ADGB: variants seen among roughly 807,000 people sequenced by gnomAD.
The protein encoded by ADGB is calpain-7-like protein.
ADGB carries 172 observed loss-of-function variants against 210.5 expected under a neutral mutation model. The observed-to-expected ratio is 0.82, with a 90% CI of 0.72 to 0.93. The LOEUF is 0.93. ADGB is among the 40% of genes least tolerant of loss of function. ADGB has a pLI of 0.00. For missense variants in ADGB, 2,025 were observed against 1,964.8 expected (o/e 1.03, Z -0.58); for synonymous variants, 658 against 662.7 (o/e 0.99, Z 0.11).
chr6:146,728,322 G>A (rs554978975), intron 19 of ADGB, among the ~76,000 whole-genome samples: 3 of 152,116 alleles, frequency 2.0e-5, no homozygotes, highest in South Asian at 2.1e-4. Context: ...TTATTAATAC[G>A]GTGGGGGAAA....
intron 13 of ADGB, among the ~76,000 whole-genome samples, chr6:146,706,116 G>A (rs1208347832): frequency 2.0e-5 from 3 of 151,936 alleles, no homozygotes; most frequent in Admixed American, 1.3e-4. Context: ...ATTACAAATG[G>A]GGTCTTGCTA....
chr6:146,792,963 T>C (rs1204049288), intron 33 of ADGB, among the ~76,000 whole-genome samples: 1 of 152,178 alleles, frequency 6.6e-6, no homozygotes, highest in African/African-American at 2.4e-5. Context: ...AAAGATGGCA[T>C]GGACCCAAGG....
chr6:146,779,670 C>A (rs1777771474), intron 29 of ADGB, among the ~76,000 whole-genome samples: 1 of 151,690 alleles, frequency 6.6e-6, no homozygotes, highest in African/African-American at 2.4e-5. Context: ...ATTCAAATAA[C>A]TGCAAAGAAA....
intron 1 of ADGB, among the ~76,000 whole-genome samples, chr6:146,621,377 G>A (rs1780891701): frequency 6.6e-6 from 1 of 152,030 alleles, no homozygotes; most frequent in African/African-American, 2.4e-5. Flanking sequence ...GTTCATCACA[G>A]GTAGTTCAGC....
chr6:146,699,133 TATAGA>T (rs1776451956), intron 12 of ADGB, among the ~76,000 whole-genome samples: 1 of 152,088 alleles, frequency 6.6e-6, no homozygotes, highest in South Asian at 2.1e-4. Flanking sequence ...TCGACATAGA[TATAGA>T]TAAAGATACA....
intron 1 of ADGB, among the ~76,000 whole-genome samples, chr6:146,605,056 A>G (rs1780612625): frequency 6.6e-6 from 1 of 152,188 alleles, no homozygotes; most frequent in East Asian, 1.9e-4. Flanking sequence ...TAAAGCATCT[A>G]AGATGAGTAT....
chr6:146,638,463 A>G (rs924073927), intron 2 of ADGB, among the ~76,000 whole-genome samples: 2 of 151,814 alleles, frequency 1.3e-5, no homozygotes, highest in African/African-American at 4.8e-5. Context: ...AGGGACATGG[A>G]TGAAGCTGGA....
At chr6:146,812,266 C>A (rs1324326073) in intron 35 of ADGB, among the ~76,000 whole-genome samples, 14 of 152,318 alleles carry the variant, frequency 9.2e-5, no homozygotes, top group Non-Finnish European at 1.8e-4. Flanking sequence ...GGAACTCTCC[C>A]AGCTTTATGG....
chr6:146,800,209 T>C (rs948435288), intron 33 of ADGB, among the ~76,000 whole-genome samples: 1 of 152,202 alleles, frequency 6.6e-6, no homozygotes, highest in African/African-American at 2.4e-5. Context: ...AAGTTAAAAA[T>C]AATGATCAAA....
chr6:146,721,362 G>T, intron 16 of ADGB, 41 bp from the exon 17 acceptor site: 1 of 1,221,414 alleles, frequency 8.2e-7, no homozygotes, highest in Non-Finnish European at 1.2e-6. Context: ...TAGCATTGAT[G>T]AACTGATATT....
intron 1 of ADGB, among the ~76,000 whole-genome samples, chr6:146,612,498 T>C (rs1285750150): frequency 1.3e-5 from 2 of 152,200 alleles, no homozygotes; most frequent in Non-Finnish European, 2.9e-5. Flanking sequence ...CTCTCTTTTG[T>C]GCATCACATT....
chr6:146,797,992 A>G (rs1276923879), intron 33 of ADGB, among the ~76,000 whole-genome samples: 1 of 151,964 alleles, frequency 6.6e-6, no homozygotes. Flanking sequence ...TTGGATAGAA[A>G]GTAATAAAGT....
chr6:146,717,435 T>G (rs1383466112), intron 15 of ADGB, 101 bp from the exon 16 acceptor site: 1 of 665,510 alleles, frequency 1.5e-6, no homozygotes, highest in Non-Finnish European at 2.5e-6. Flanking sequence ...TTGTTATTTT[T>G]TAACTTTCTT....
intron 2 of ADGB, among the ~76,000 whole-genome samples, chr6:146,636,585 G>GGA (rs532527227): frequency 6.6e-6 from 1 of 151,520 alleles, no homozygotes; most frequent in South Asian, 2.1e-4. Flanking sequence ...CAAAACTTAT[G>GGA]GAGAGAGAGA....
chr6:146,734,787 G>A (rs1022763460), intron 22 of ADGB, among the ~76,000 whole-genome samples: 2 of 152,104 alleles, frequency 1.3e-5, no homozygotes, highest in African/African-American at 4.8e-5. Flanking sequence ...GCATGTGCCT[G>A]TAGTCCCAGC....
chr6:146,713,450 G>A (rs528878527), intron 13 of ADGB, among the ~76,000 whole-genome samples: 76 of 152,218 alleles, frequency 5.0e-4, no homozygotes, highest in African/African-American at 1.8e-3. Flanking sequence ...GGCATGAAAT[G>A]GTGTCTCATT....
chr6:146,686,345 A>G (rs1160319082), intron 10 of ADGB, among the ~76,000 whole-genome samples: 1 of 152,112 alleles, frequency 6.6e-6, no homozygotes, highest in African/African-American at 2.4e-5. Flanking sequence ...AATTTAGAAA[A>G]TGTAGTGAAA....
intron 12 of ADGB, among the ~76,000 whole-genome samples, chr6:146,699,242 A>G (rs934612776): frequency 6.6e-6 from 1 of 152,128 alleles, no homozygotes; most frequent in African/African-American, 2.4e-5. Context: ...CAAGCTGGGG[A>G]ACCAGGGAGG....
chr6:146,815,334 G>A lies in ADGB; in HGVS notation c.*117G>A. The A allele has an allele frequency of 1.2e-6, 1 of 818,794 alleles. No homozygotes were observed. Among genetic ancestry groups the A allele is most frequent in the Non-Finnish European group, 1.7e-6 (1 of 581,072 alleles). 50.7% of individuals were successfully genotyped at this position (818,794 alleles called of 1,614,324 possible). On this transcript the variant is annotated 3_prime_UTR_variant, in exon 36 of 36. Coordinates refer to ENST00000397944, the MANE Select transcript of ADGB (RefSeq NM_024694.4). ...TGAAAATAGAAATTTCTCTTTCTTA[G>A]AAATATTTTAATGCTAACTTGTTAG... is the stretch of plus-strand genomic sequence containing the variant.
Sources: gnomAD v4.1 joint callset for allele counts (sites outside exome capture counted in the v4.1 genomes callset) on GRCh38, gnomAD v4.1.1 for gene constraint, MANE v1.5 for transcripts, NCBI Gene and HGNC (gene_info 2026-07-23, HGNC 2026-07-21) for gene names.